Variants in FGF14 observed in about 807,000 individuals in gnomAD.
FGF14 encodes the protein fibroblast growth factor homologous factor 4.
A neutral mutation model predicts 25.5 loss-of-function variants in FGF14; 5 were observed. The ratio of observed to expected loss-of-function variants is 0.20; its 90% CI spans 0.10 to 0.41. The LOEUF (loss-of-function observed/expected upper bound fraction) is 0.41, where lower values mean the gene tolerates loss of function less well. Ranked by LOEUF, FGF14 falls within the 10% of genes least tolerant of loss-of-function variation. The probability of loss-of-function intolerance (pLI) is 1.00; values close to 1 mark genes in which losing one functional copy is unlikely to be tolerated. For synonymous variants in FGF14, 138 were observed against 118.3 expected, an observed-to-expected ratio of 1.17 and a Z score of -1.08; for missense variants, 222 against 320.1, an observed-to-expected ratio of 0.69 and a Z score of 2.34.
intron 1 of FGF14, among the ~76,000 whole-genome samples, chr13:102,127,358 CCT>C: frequency 6.6e-6 from 1 of 152,250 alleles, no homozygotes; most frequent in South Asian, 2.1e-4. Context: ...ATTATCACTT[CCT>C]CTTTCTGTAT....
At chr13:102,387,821 T>A (rs1267708596) in intron 1 of FGF14, among the ~76,000 whole-genome samples, 3 of 152,086 alleles carry the variant, frequency 2.0e-5, no homozygotes, top group African/African-American at 4.8e-5. Context: ...AACCTCTGCC[T>A]CCCAGGTTCA....
chr13:102,167,137 C>T (rs1419782204), intron 1 of FGF14, among the ~76,000 whole-genome samples: 1 of 151,834 alleles, frequency 6.6e-6, no homozygotes, highest in East Asian at 1.9e-4. Flanking sequence ...CCAATCTCTA[C>T]TAAAAATACA....
rs148046463 is a variant in FGF14 at position 101,994,207 on chromosome 13, T to C, written c.209-118911A>G. ...GAACAAACTTTCCAATGATTGTTGG[T>C]TCTAAATGATTGTTATATGGCATTT... On this transcript the variant is annotated intron_variant, in intron 1 of 4. Coordinates refer to the FGF14 transcript ENST00000376131. Among the ~76,000 whole-genome samples the C allele has an allele frequency of 7.1e-3, 1,074 of 152,154 alleles. 12 individuals are homozygous for C. The highest frequency in any genetic ancestry group is 0.024 in the African/African-American group (1,011 of 41,554).
At chr13:102,023,183 A>G (rs2040757856) in intron 1 of FGF14, among the ~76,000 whole-genome samples, 1 of 151,964 alleles carries the variant, frequency 6.6e-6, no homozygotes, top group Non-Finnish European at 1.5e-5. Context: ...CCCTAATATC[A>G]GCTGTTCAAA....
chr13:102,122,359 C>A (rs148288523), intron 1 of FGF14, among the ~76,000 whole-genome samples: 2 of 152,300 alleles, frequency 1.3e-5, no homozygotes, highest in South Asian at 2.1e-4. Context: ...CATCCCTCCA[C>A]TCCACCTCTG....
At chr13:102,033,545 A>C (rs1193286439) in intron 1 of FGF14, among the ~76,000 whole-genome samples, 1 of 152,032 alleles carries the variant, frequency 6.6e-6, no homozygotes, top group Non-Finnish European at 1.5e-5. Context: ...TGACACCATA[A>C]ATTTCAGAGA....
chr13:102,223,387 A>T (rs1463152193), intron 1 of FGF14, among the ~76,000 whole-genome samples: 3 of 152,156 alleles, frequency 2.0e-5, no homozygotes, highest in African/African-American at 7.2e-5. Context: ...TTATTTGTAA[A>T]TCCTCCCAAT....
chr13:102,190,006 C>T (rs546980251), intron 1 of FGF14, among the ~76,000 whole-genome samples: 1 of 152,178 alleles, frequency 6.6e-6, no homozygotes, highest in Non-Finnish European at 1.5e-5. Flanking sequence ...ACACCTCCAA[C>T]TTTGGAGGTC....
intron 1 of FGF14, among the ~76,000 whole-genome samples, chr13:102,009,072 CA>C (rs1228036391): frequency 1.3e-5 from 2 of 151,878 alleles, no homozygotes; most frequent in Non-Finnish European, 1.5e-5. Context: ...TTGAAGAAAA[CA>C]AATGGAGTAC....
At chr13:101,790,108 G>T (rs1184729582) in intron 3 of FGF14, among the ~76,000 whole-genome samples, 1 of 132,122 alleles carries the variant, frequency 7.6e-6, no homozygotes, top group Non-Finnish European at 1.6e-5. Context: ...CCTAGGTGAG[G>T]TTCTAATTCT....
At chr13:102,020,772 G>C (rs2040602923) in intron 1 of FGF14, among the ~76,000 whole-genome samples, 1 of 152,030 alleles carries the variant, frequency 6.6e-6, no homozygotes, top group Admixed American at 6.6e-5. Flanking sequence ...CTCTGAATGT[G>C]AACAACTAGG....
intron 1 of FGF14, among the ~76,000 whole-genome samples, chr13:101,989,843 T>C (rs530780885): frequency 5.3e-5 from 8 of 152,272 alleles, no homozygotes; most frequent in Admixed American, 2.0e-4. Flanking sequence ...ACTTAACTTA[T>C]TGTTTTTAAT....
intron 2 of FGF14, among the ~76,000 whole-genome samples, chr13:101,870,419 AACTT>A (rs2044990989): frequency 6.6e-6 from 1 of 152,166 alleles, no homozygotes; most frequent in Non-Finnish European, 1.5e-5. Context: ...AAGGTACACT[AACTT>A]AATCAATTCA....
At chr13:101,789,432 C>G (rs939818400) in intron 3 of FGF14, among the ~76,000 whole-genome samples, 2 of 152,074 alleles carry the variant, frequency 1.3e-5, no homozygotes, top group Non-Finnish European at 2.9e-5. Context: ...TCTTCATTTC[C>G]CAGCCCAAAA....
intron 1 of FGF14, among the ~76,000 whole-genome samples, chr13:102,119,885 A>G (rs1363365895): frequency 1.3e-5 from 2 of 152,180 alleles, no homozygotes; most frequent in African/African-American, 2.4e-5. Context: ...ACCCAGAGAG[A>G]TTCAGATGAG....
upstream of FGF14, among the ~76,000 whole-genome samples, chr13:101,918,496 G>C (rs1277813285): frequency 3.3e-5 from 5 of 152,186 alleles, no homozygotes; most frequent in South Asian, 2.1e-4. Context: ...CTTTAGAGCT[G>C]GAAAGAGGGC....
intron 3 of FGF14, among the ~76,000 whole-genome samples, chr13:101,821,093 C>A (rs1242841816): frequency 1.3e-5 from 2 of 148,930 alleles, no homozygotes; most frequent in South Asian, 2.3e-4. Context: ...GGAGTACAGG[C>A]GCCCGCTACC....
chr13:102,076,136 A>G (rs2043352131), intron 1 of FGF14, among the ~76,000 whole-genome samples: 1 of 152,186 alleles, frequency 6.6e-6, no homozygotes, highest in Non-Finnish European at 1.5e-5. Context: ...TACAGTGATT[A>G]TGAAGTCTAC....
intron 3 of FGF14, among the ~76,000 whole-genome samples, chr13:101,740,183 T>C (rs934743939): frequency 4.2e-4 from 64 of 152,200 alleles, no homozygotes; most frequent in Non-Finnish European, 8.8e-5. Context: ...AGCTTGCCGA[T>C]GTTCCCAGCT....
Sources: allele counts gnomAD v4.1 joint callset (sites outside exome capture counted in the v4.1 genomes callset), GRCh38; gene constraint gnomAD v4.1.1; transcripts MANE v1.5; gene names NCBI Gene and HGNC (gene_info 2026-07-23, HGNC 2026-07-21).